PIEZO2: variants seen among roughly 807,000 people sequenced by gnomAD.
The protein encoded by PIEZO2 is piezo-type mechanosensitive ion channel component 2.
In PIEZO2, 172 loss-of-function variants were observed where a neutral mutation model predicts 337.3. That is an observed-to-expected ratio of 0.51 (90% CI 0.45 to 0.58). PIEZO2 has a LOEUF of 0.58. Ranked by LOEUF, PIEZO2 falls within the 20% of genes least tolerant of loss-of-function variation. The pLI, the probability that PIEZO2 is intolerant of heterozygous loss-of-function variation, is 0.00. For synonymous variants in PIEZO2, 1,251 were observed against 1,228.5 expected, an observed-to-expected ratio of 1.02 and a Z score of -0.38; for missense variants, 3,028 against 3,391.3, an observed-to-expected ratio of 0.89 and a Z score of 2.66.
At chr18:10,804,119 T>C in intron 8 of PIEZO2, 125 bp from the exon 9 acceptor site, 1 of 1,154,436 alleles carries the variant, frequency 8.7e-7, no homozygotes, top group Non-Finnish European at 1.2e-6. Flanking sequence ...GTTTACAATA[T>C]ACAGGATTTT....
At position 10,873,104 on chromosome 18, in the gene PIEZO2, C is replaced by T. The variant is rs368479748; in HGVS notation, c.330-1689G>A. On this transcript the variant is annotated intron_variant, in intron 4 of 55. Transcript: ENST00000674853. ...AGTGATTACACACTGTATTCGTTTA[C>T]ATTATATATTATATATTTTGGTGAA... 1.8e-4 allele frequency among the ~76,000 whole-genome samples: 27 copies of T among 152,206 alleles called. No homozygotes were observed. In the South Asian group the frequency reaches 4.6e-3, roughly 26 times the overall value.
At chr18:10,734,729 A>G (rs573125427) in intron 35 of PIEZO2, among the ~76,000 whole-genome samples, 1 of 152,226 alleles carries the variant, frequency 6.6e-6, no homozygotes, top group African/African-American at 2.4e-5. Flanking sequence ...CGCAGACTGC[A>G]CTGGGTGGAT....
chr18:10,906,712 C>T (rs548830123), intron 4 of PIEZO2, among the ~76,000 whole-genome samples: 6 of 152,076 alleles, frequency 3.9e-5, no homozygotes, highest in African/African-American at 7.2e-5. Context: ...AGGCACATGC[C>T]GCCACGCCTG....
chr18:10,786,876 T>A (rs924440822), intron 16 of PIEZO2, among the ~76,000 whole-genome samples, 160 bp downstream of exon 16: 1 of 149,368 alleles, frequency 6.7e-6, no homozygotes, highest in South Asian at 2.4e-4. Context: ...AAGGGCTAAG[T>A]AAAGAGAACA....
intron 37 of PIEZO2, among the ~76,000 whole-genome samples, chr18:10,717,386 C>T (rs2036053167): frequency 6.6e-6 from 1 of 152,156 alleles, no homozygotes; most frequent in Non-Finnish European, 1.5e-5. Context: ...CGTAAGTCTC[C>T]TTTCGTGCCA....
At chr18:11,121,125 C>T (rs540719103) in intron 1 of PIEZO2, among the ~76,000 whole-genome samples, 5 of 151,958 alleles carry the variant, frequency 3.3e-5, no homozygotes, top group Admixed American at 1.3e-4. Context: ...TGGTGATGCA[C>T]GCCTGTAGTT....
At chr18:10,792,790 C>T (rs1167076895) in intron 13 of PIEZO2, among the ~76,000 whole-genome samples, 1 of 152,132 alleles carries the variant, frequency 6.6e-6, no homozygotes. Flanking sequence ...GGTAAATGAA[C>T]CTAGGACTGG....
chr18:10,919,629 G>A (rs2031254617), intron 3 of PIEZO2, among the ~76,000 whole-genome samples: 1 of 152,058 alleles, frequency 6.6e-6, no homozygotes, highest in East Asian at 1.9e-4. Context: ...TATGCATGGA[G>A]GGTACTGCAA....
At position 10,962,841 on chromosome 18, in the gene PIEZO2, G is replaced by T. The variant is rs1950142650; in HGVS notation, c.286+16694C>A. Among the ~76,000 whole-genome samples the T allele has an allele frequency of 6.6e-6, 1 of 152,146 alleles. No homozygotes were observed. The highest frequency in any genetic ancestry group is 6.5e-5 in the Admixed American group (1 of 15,280). Reference sequence around the variant, plus strand: ...AGCCCATGCTAGCAATGTGAGGGATGACTTTTCCCACTGAGCTATTAGTTC... The same window carrying T: ...AGCCCATGCTAGCAATGTGAGGGATTACTTTTCCCACTGAGCTATTAGTTC... On this transcript the variant is annotated intron_variant, in intron 3 of 55. Transcript: ENST00000674853. This position sits in a 1 kb window ranked among gnomAD's most constrained non-coding sequence, Gnocchi z 4.1.
chr18:10,754,260 G>A lies in PIEZO2; in HGVS notation c.3924-1381C>T, dbSNP rs539177924. ...TTCTGAATAGAGAGACTGAACCCTG[G>A]TGACAGGTACTGTGGCTAAGGGGCC... On this transcript the variant is annotated intron_variant, in intron 27 of 55. Transcript: ENST00000674853. 6.6e-5 allele frequency among the ~76,000 whole-genome samples: 10 copies of A among 152,342 alleles called. No homozygotes were observed. The South Asian group carries it at 2.1e-3, about 32-fold the overall frequency.
chr18:10,868,523 T>C (rs2042061613), intron 5 of PIEZO2, among the ~76,000 whole-genome samples: 1 of 152,136 alleles, frequency 6.6e-6, no homozygotes, highest in Admixed American at 6.6e-5. Flanking sequence ...AAATCAATGA[T>C]GTAAAATAGC....
chr18:10,829,347 T>C (rs113732065), intron 7 of PIEZO2, among the ~76,000 whole-genome samples: 12 of 152,130 alleles, frequency 7.9e-5, no homozygotes, highest in African/African-American at 2.9e-4. Flanking sequence ...GATAGTATCA[T>C]ACATAATGAG....
At position 10,815,854 on chromosome 18, in the gene PIEZO2, T is replaced by A. The variant is rs895640061; in HGVS notation, c.918-8580A>T. The stretch of plus-strand genomic sequence containing the variant: ...AATTTCTACCCAGTTATACAGCTCA[T>A]GAGGTGGAGGCCTAGGTGATGCTTG... On this transcript the variant is annotated intron_variant, in intron 7 of 55. Coordinates refer to ENST00000674853, the MANE Select transcript of PIEZO2 (RefSeq NM_001378183.1). This position sits in a 1 kb window ranked among gnomAD's most constrained non-coding sequence, Gnocchi z 4.1. Among the ~76,000 whole-genome samples, 1 of 152,210 alleles carries A rather than the reference T, an allele frequency of 6.6e-6. No homozygotes were observed. Among genetic ancestry groups the A allele is most frequent in the Non-Finnish European group, 1.5e-5 (1 of 68,028 alleles).
Position 10,807,020 on chromosome 18 carries a change from C to T in PIEZO2, c.1080+92G>A, listed in dbSNP as rs569489320. The T allele has an allele frequency of 1.1e-4, 134 of 1,266,468 alleles. No individual in the cohort carries two copies. In the African/African-American group the frequency reaches 1.5e-3, roughly 14 times the overall value. The allele number at this position is 1,266,468 out of a possible 1,614,324, so 78.5% of individuals were successfully genotyped here. ...CTAGAGTTGTGTTGGAATAGAGTAT[C>T]GATTAGTCAGTAGAGAACAGGAGTG... is the stretch of plus-strand genomic sequence containing the variant. On this transcript the variant is annotated intron_variant, in intron 8 of 55. Transcript: ENST00000674853.
intron 7 of PIEZO2, among the ~76,000 whole-genome samples, chr18:10,844,422 G>GATAAAATAAAATAAAATAAAGTAAA (rs2041287192): frequency 6.9e-6 from 1 of 144,284 alleles, no homozygotes; most frequent in Non-Finnish European, 1.5e-5. Flanking sequence ...TGTCTCAAAA[G>GATAAAATAAAATAAAATAAAGTAAA]ATAAAATAAA....
chr18:10,842,922 G>A lies in PIEZO2; in HGVS notation c.917+12431C>T, dbSNP rs115758021. ...GAAAGCTTTTGTAGCAAATTCTGTA[G>A]GGAAAATTTAAAAGTATCTTGCTTC... On this transcript the variant is annotated intron_variant, in intron 7 of 55. Coordinates refer to ENST00000674853, the MANE Select transcript of PIEZO2 (RefSeq NM_001378183.1). 2.9e-3 allele frequency among the ~76,000 whole-genome samples: 447 copies of A among 152,318 alleles called. 2 individuals carry two copies. The highest frequency in any genetic ancestry group is 0.01 in the African/African-American group (433 of 41,560).
intron 32 of PIEZO2, 57 bp downstream of exon 32, chr18:10,742,437 A>G (rs1598423478): frequency 6.6e-7 from 1 of 1,519,410 alleles, no homozygotes; most frequent in East Asian, 2.5e-5. Flanking sequence ...GCCCTGCTCA[A>G]TATCATGCTA....
rs2040804375 is a variant in PIEZO2, at chr18:11,146,148, C to T, written c.64+2377G>A. ...CCTGAACCCAGAGAGGTGTGGGAGT[C>T]CTGAAGAATGAGCTGGATAAAGAAG... On this transcript the variant is annotated intron_variant, in intron 1 of 55. Transcript: ENST00000674853. This position sits in a 1 kb window ranked among gnomAD's most constrained non-coding sequence, Gnocchi z 6.1. Among the ~76,000 whole-genome samples the T allele has an allele frequency of 6.6e-6, 1 of 152,154 alleles. No individual in the cohort carries two copies. Among genetic ancestry groups the T allele is most frequent in the African/African-American group, 2.4e-5 (1 of 41,442 alleles).
intron 51 of PIEZO2, 128 bp downstream of exon 51, chr18:10,681,533 T>C: frequency 1.4e-6 from 1 of 712,210 alleles, no homozygotes; most frequent in Non-Finnish European, 2.4e-6. Flanking sequence ...ATGTGCTCTA[T>C]GTAACTGATA....
Sources: gnomAD v4.1 joint callset for allele counts (sites outside exome capture counted in the v4.1 genomes callset) on GRCh38, gnomAD v4.1.1 for gene constraint, Gnocchi (gnomAD v3.1) non-coding constraint, MANE v1.5 for transcripts, NCBI Gene and HGNC (gene_info 2026-07-23, HGNC 2026-07-21) for gene names.